Variants in LMNB1 observed in about 807,000 individuals in gnomAD.
LMNB1 encodes the protein lamin-B1.
LMNB1 carries 23 observed loss-of-function variants against 67.1 expected under a neutral mutation model. The ratio of observed to expected loss-of-function variants is 0.34; its 90% CI spans 0.25 to 0.49. The LOEUF (loss-of-function observed/expected upper bound fraction) is 0.49. Among genes scored for constraint, LMNB1 ranks in the 20% least tolerant of loss-of-function variants. LMNB1 has a pLI of 0.99. For synonymous variants in LMNB1, 281 were observed against 282.9 expected, an observed-to-expected ratio of 0.99 and a Z score of 0.07; for missense variants, 634 against 746.5, an observed-to-expected ratio of 0.85 and a Z score of 1.76.
chr5:126,804,238 C>CTTTTTTTTT (rs61232506), intron 1 of LMNB1, among the ~76,000 whole-genome samples: 1 of 101,156 alleles, frequency 9.9e-6, no homozygotes, highest in Non-Finnish European at 1.9e-5. Context: ...GTGCCAGGCT[C>CTTTTTTTTT]TTTTTTTTTT....
chr5:126,805,030 T>G, intron 2 of LMNB1, 98 bp downstream of exon 2: 1 of 1,117,858 alleles, frequency 8.9e-7, no homozygotes, highest in Non-Finnish European at 1.3e-6. Flanking sequence ...CAAATGTATT[T>G]TATTTTTGAA....
chr5:126,784,820 G>C (rs1024822361), intron 1 of LMNB1, among the ~76,000 whole-genome samples: 2 of 150,364 alleles, frequency 1.3e-5, no homozygotes, highest in Non-Finnish European at 3.0e-5. Flanking sequence ...CCACCACGCC[G>C]GGCTAATTTT....
At chr5:126,786,030 A>T (rs1750771666) in intron 1 of LMNB1, among the ~76,000 whole-genome samples, 1 of 150,418 alleles carries the variant, frequency 6.6e-6, no homozygotes, top group Non-Finnish European at 1.5e-5. Flanking sequence ...GGGGGAAAAG[A>T]TGCAGGAAAA....
chr5:126,787,299 GGGAATCT>G (rs1293286022), intron 1 of LMNB1, among the ~76,000 whole-genome samples: 1 of 151,776 alleles, frequency 6.6e-6, no homozygotes, highest in Non-Finnish European at 1.5e-5. Flanking sequence ...GACATCCCAG[GGGAATCT>G]GAGCTAAGTG....
chr5:126,785,226 T>C (rs1265529366), intron 1 of LMNB1, among the ~76,000 whole-genome samples: 8 of 151,302 alleles, frequency 5.3e-5, no homozygotes, highest in Non-Finnish European at 1.0e-4. Context: ...GACCTCGTGA[T>C]CCGCCCGCCT....
intron 1 of LMNB1, among the ~76,000 whole-genome samples, chr5:126,799,016 T>C (rs1751190339): frequency 6.7e-6 from 1 of 148,442 alleles, no homozygotes; most frequent in South Asian, 2.2e-4. Context: ...TCATGATGCA[T>C]TGACTTTTTT....
chr5:126,820,531 T>C (rs142835316), intron 6 of LMNB1, among the ~76,000 whole-genome samples: 1,774 of 152,212 alleles, frequency 0.012, 38 homozygotes, highest in African/African-American at 0.04. Context: ...CTTCTTCTTA[T>C]TATTATTATT....
chr5:126,806,814 G>A (rs1017920279), intron 3 of LMNB1, among the ~76,000 whole-genome samples: 1 of 151,238 alleles, frequency 6.6e-6, no homozygotes, highest in Non-Finnish European at 1.5e-5. Context: ...GACCCGCTCT[G>A]TCGCCCAGGC....
At chr5:126,818,735 T>C (rs1751786357) in intron 5 of LMNB1, among the ~76,000 whole-genome samples, 187 bp from the exon 6 acceptor site, 1 of 152,214 alleles carries the variant, frequency 6.6e-6, no homozygotes, top group Non-Finnish European at 1.5e-5. Context: ...GCCAAAACTA[T>C]CCTGAGGTCT....
At chr5:126,781,699 G>T (rs745317809) in intron 1 of LMNB1, among the ~76,000 whole-genome samples, 3 of 152,108 alleles carry the variant, frequency 2.0e-5, no homozygotes, top group Non-Finnish European at 2.9e-5. Flanking sequence ...GCCTCCCAAG[G>T]TGCTGGGATT....
chr5:126,778,673 A>T (rs1750546987), intron 1 of LMNB1, among the ~76,000 whole-genome samples: 1 of 152,094 alleles, frequency 6.6e-6, no homozygotes, highest in Non-Finnish European at 1.5e-5. Flanking sequence ...TACCGTTCTT[A>T]GAATTGCGGT....
intron 1 of LMNB1, among the ~76,000 whole-genome samples, chr5:126,779,961 G>A (rs1244344974): frequency 4.0e-5 from 6 of 151,704 alleles, no homozygotes; most frequent in Non-Finnish European, 8.8e-5. Context: ...GAACCCAGGA[G>A]GCGGATATTG....
intron 1 of LMNB1, among the ~76,000 whole-genome samples, chr5:126,784,710 C>T (rs1464242221): frequency 2.7e-5 from 4 of 147,844 alleles, no homozygotes; most frequent in African/African-American, 1.0e-4. Context: ...GGCTGGAGTG[C>T]AGTGGCGCCA....
rs144673705 is a variant in LMNB1 at position 126,814,854 on chromosome 5, G to A, written c.939+2956G>A. Among the ~76,000 whole-genome samples, 59 of 152,274 alleles carry A rather than the reference G, an allele frequency of 3.9e-4. No homozygotes were observed. In the East Asian group the frequency reaches 9.6e-3, roughly 25 times the overall value. On this transcript the variant is annotated intron_variant, in intron 5 of 10. Coordinates refer to ENST00000261366, the MANE Select transcript of LMNB1 (RefSeq NM_005573.4). ...TGCCTTAAATGCTGGGATTACAGGT[G>A]TAAGCCACTGTGCCTGGCTGCAAGT...
chr5:126,824,141 A>C (rs1456674438), intron 8 of LMNB1, among the ~76,000 whole-genome samples: 1 of 152,228 alleles, frequency 6.6e-6, no homozygotes, highest in Non-Finnish European at 1.5e-5. Flanking sequence ...AAATGTGATA[A>C]GCAGCTCTTT....
intron 1 of LMNB1, among the ~76,000 whole-genome samples, chr5:126,784,246 C>A (rs1172783769): frequency 6.6e-6 from 1 of 151,740 alleles, no homozygotes; most frequent in African/African-American, 2.4e-5. Flanking sequence ...TCAGGCTGGT[C>A]TGGAATTCCC....
chr5:126,833,921 C>A (rs1752191108), intron 10 of LMNB1, among the ~76,000 whole-genome samples: 1 of 152,172 alleles, frequency 6.6e-6, no homozygotes, highest in East Asian at 1.9e-4. Flanking sequence ...TTGGAATTCA[C>A]CATTGCTTCA....
rs189707396 is a variant in LMNB1 at position 126,797,303 on chromosome 5, G to A, written c.360-7473G>A. Among the ~76,000 whole-genome samples the A allele has an allele frequency of 1.1e-3, 170 of 152,228 alleles. 2 individuals are homozygous for A. The highest frequency in any genetic ancestry group is 4.0e-3 in the African/African-American group (165 of 41,540). On this transcript the variant is annotated intron_variant, in intron 1 of 10. Coordinates refer to ENST00000261366, the MANE Select transcript of LMNB1 (RefSeq NM_005573.4). ...TCTGTAAAACATCTAAAGCAAATGG[G>A]TATGTTTTGTGACTTATTTTCAGGA...
chr5:126,831,517 C>T lies in LMNB1; in HGVS notation c.1612-1177C>T, dbSNP rs150137392. ...AGAATACATTGGAACCTCACTAGTA[C>T]GTTATTGGTAAATAGTGTACAGTGT... On this transcript the variant is annotated intron_variant, in intron 9 of 10. Transcript: ENST00000261366. 3.8e-3 allele frequency among the ~76,000 whole-genome samples: 586 copies of T among 152,282 alleles called. 2 individuals are homozygous for T. Among genetic ancestry groups the T allele is most frequent in the South Asian group, 0.025 (120 of 4,824 alleles).
Sources: gnomAD v4.1 joint callset for allele counts (sites outside exome capture counted in the v4.1 genomes callset) on GRCh38, gnomAD v4.1.1 for gene constraint, MANE v1.5 for transcripts, NCBI Gene and HGNC (gene_info 2026-07-23, HGNC 2026-07-21) for gene names.